Variants in CLSTN2 observed in about 807,000 individuals in gnomAD.
CLSTN2 encodes calsyntenin 2.
Under a neutral mutation model 101.2 loss-of-function variants are expected in CLSTN2, and 48 were observed. The ratio of observed to expected loss-of-function variants is 0.47; its 90% CI spans 0.38 to 0.60. The LOEUF (loss-of-function observed/expected upper bound fraction) is 0.60. Among genes scored for constraint, CLSTN2 ranks in the 20% least tolerant of loss-of-function variants. The pLI is 0.00. For synonymous variants in CLSTN2, 481 were observed against 463.6 expected (o/e 1.04, Z -0.48); for missense variants, 1,160 against 1,238.2 (o/e 0.94, Z 0.95).
intron 1 of CLSTN2, among the ~76,000 whole-genome samples, chr3:140,068,170 G>T (rs961711423): frequency 3.3e-5 from 5 of 152,200 alleles, no homozygotes; most frequent in African/African-American, 1.2e-4. Flanking sequence ...CCTGGGCATA[G>T]GCCACTCTTT....
In CLSTN2 at chr3:140,567,625, A is replaced by C. The variant is rs1023503856; in HGVS notation, c.*1372A>C. On this transcript the variant is annotated 3_prime_UTR_variant, in exon 17 of 17. Transcript: ENST00000458420. ...ATAGCAGGCAAGAATTAGGGCCTTG[A>C]CAGAATTTCCACGAAGCTCTGAGAA... The C allele has an allele frequency of 6.6e-6, 1 of 152,186 alleles. No individual in the cohort carries two copies. The highest frequency in any genetic ancestry group is 1.5e-5 in the Non-Finnish European group (1 of 68,040). The allele number at this position is 152,186 out of a possible 1,614,324, so 9.4% of individuals were successfully genotyped here.
chr3:140,450,629 A>G (rs1012158210), intron 6 of CLSTN2, among the ~76,000 whole-genome samples: 1 of 152,154 alleles, frequency 6.6e-6, no homozygotes, highest in African/African-American at 2.4e-5. Context: ...CTGTGAATGC[A>G]CAGTCTAGCC....
chr3:140,463,402 T>C (rs925241862), intron 7 of CLSTN2, among the ~76,000 whole-genome samples: 12 of 151,542 alleles, frequency 7.9e-5, no homozygotes, highest in Non-Finnish European at 1.8e-4. Context: ...TGGTAGAGAG[T>C]GCTAGGATGG....
rs182776522 is a variant in CLSTN2 at position 140,473,530 on chromosome 3, T to C, written c.1344+6799T>C. Among the ~76,000 whole-genome samples the C allele has an allele frequency of 6.0e-3, 907 of 152,136 alleles. 13 individuals carry two copies. Among genetic ancestry groups the C allele is most frequent in the South Asian group, 0.054 (259 of 4,812 alleles). On this transcript the variant is annotated intron_variant, in intron 8 of 16. Transcript: ENST00000458420. ...AGAGGGTAAGAGCCAGAAACAGAGA[T>C]GTGAAGATGGAAGCAGAGGTCAGAA...
At chr3:140,033,806 G>T (rs2007604676) in intron 1 of CLSTN2, among the ~76,000 whole-genome samples, 2 of 152,186 alleles carry the variant, frequency 1.3e-5, no homozygotes, top group African/African-American at 2.4e-5. Flanking sequence ...TGGGGAGAGG[G>T]TCTATATCAC....
intron 1 of CLSTN2, among the ~76,000 whole-genome samples, chr3:139,962,758 A>G (rs1935533554): frequency 6.6e-6 from 1 of 152,164 alleles, no homozygotes; most frequent in African/African-American, 2.4e-5. Flanking sequence ...ATAGTATTCC[A>G]TCATCTGTAT....
chr3:140,341,721 C>T (rs1005605529), intron 2 of CLSTN2, among the ~76,000 whole-genome samples: 6 of 152,116 alleles, frequency 3.9e-5, no homozygotes, highest in African/African-American at 1.4e-4. Flanking sequence ...CCTCCAGTGG[C>T]TTTTTGTCAA....
rs185799289 is a variant in CLSTN2 at position 140,257,815 on chromosome 3, C to T, written c.232+81742C>T. On this transcript the variant is annotated intron_variant, in intron 2 of 16. Coordinates refer to ENST00000458420, the MANE Select transcript of CLSTN2 (RefSeq NM_022131.3). ...ACATAAATATTAAAAATGGCATTGT[C>T]ATGATTTTTTGTGCTCAAAGATCAA... Among the ~76,000 whole-genome samples the T allele has an allele frequency of 1.1e-3, 175 of 152,186 alleles. 1 individual carries two copies. Among genetic ancestry groups the T allele is most frequent in the African/African-American group, 4.0e-3 (167 of 41,532 alleles).
At chr3:140,481,605 G>A (rs1045338131) in intron 8 of CLSTN2, among the ~76,000 whole-genome samples, 2 of 152,118 alleles carry the variant, frequency 1.3e-5, no homozygotes, top group African/African-American at 4.8e-5. Context: ...CCATTTCTTT[G>A]TATCCTCTTT....
At chr3:140,129,854 T>C (rs751456292) in intron 1 of CLSTN2, among the ~76,000 whole-genome samples, 14 of 152,278 alleles carry the variant, frequency 9.2e-5, no homozygotes, top group Non-Finnish European at 1.9e-4. Flanking sequence ...CAGTGAGTGA[T>C]GCATCGTGGA....
intron 8 of CLSTN2, among the ~76,000 whole-genome samples, chr3:140,471,965 A>G (rs1933858383): frequency 6.6e-6 from 1 of 152,182 alleles, no homozygotes; most frequent in African/African-American, 2.4e-5. Flanking sequence ...AAAAGCTACT[A>G]TGTTGATACA....
intron 2 of CLSTN2, among the ~76,000 whole-genome samples, chr3:140,246,393 A>C (rs1407101057): frequency 2.0e-5 from 3 of 152,146 alleles, no homozygotes; most frequent in African/African-American, 7.2e-5. Flanking sequence ...GGTCCAAAGA[A>C]ACAGTCTGGA....
chr3:140,389,764 C>T (rs1334812552), intron 2 of CLSTN2, among the ~76,000 whole-genome samples: 1 of 152,186 alleles, frequency 6.6e-6, no homozygotes, highest in Non-Finnish European at 1.5e-5. Flanking sequence ...TTAAAGCATT[C>T]CTATTTCTTC....
At position 140,451,395 on chromosome 3, in the gene CLSTN2, G is replaced by A. The variant is rs559595265; in HGVS notation, c.973+2691G>A. Among the ~76,000 whole-genome samples, 4 of 152,276 alleles carry A rather than the reference G, an allele frequency of 2.6e-5. No individual in the cohort carries two copies. In the East Asian group the frequency reaches 5.8e-4, roughly 22 times the overall value. ...AGGGCAGGTTAATTCAGCCAGCAAG[G>A]CCGTTTCCCCCAAGGTGTGGACTTA... is the stretch of plus-strand genomic sequence containing the variant. On this transcript the variant is annotated intron_variant, in intron 6 of 16. Coordinates refer to ENST00000458420, the MANE Select transcript of CLSTN2 (RefSeq NM_022131.3).
At chr3:140,167,690 C>A (rs2010155417) in intron 1 of CLSTN2, among the ~76,000 whole-genome samples, 1 of 152,148 alleles carries the variant, frequency 6.6e-6, no homozygotes, top group East Asian at 1.9e-4. Flanking sequence ...TTCCCTTGTT[C>A]CCCTTCACAA....
In CLSTN2 at chr3:140,430,269, G is replaced by A. The variant is rs886942732; in HGVS notation, c.787+8995G>A. Among the ~76,000 whole-genome samples the A allele has an allele frequency of 3.9e-5, 6 of 152,062 alleles. No individual in the cohort carries two copies. The East Asian group carries it at 9.6e-4, about 24-fold the overall frequency. ...TTTATTTTAATAGATAATCCCCCCT[G>A]AGAAATGAAAATACCTCCTGCAGGA... On this transcript the variant is annotated intron_variant, in intron 5 of 16. Transcript: ENST00000458420.
chr3:140,036,182 C>T (rs144014272), intron 1 of CLSTN2, among the ~76,000 whole-genome samples: 149 of 152,324 alleles, frequency 9.8e-4, no homozygotes, highest in African/African-American at 3.4e-3. Context: ...TCAGTACTAT[C>T]TGTAAGCTAG....
At chr3:140,337,418 A>G (rs1264445857) in intron 2 of CLSTN2, among the ~76,000 whole-genome samples, 1 of 152,068 alleles carries the variant, frequency 6.6e-6, no homozygotes, top group Admixed American at 6.5e-5. Context: ...GTCCCTTTAC[A>G]TTGTGTCCAA....
chr3:139,993,531 T>C (rs1032217865), intron 1 of CLSTN2, among the ~76,000 whole-genome samples: 8 of 152,276 alleles, frequency 5.3e-5, no homozygotes, highest in Non-Finnish European at 1.2e-4. Context: ...TATCAGAGCC[T>C]CACCTTGATC....
Sources: allele counts gnomAD v4.1 joint callset (sites outside exome capture counted in the v4.1 genomes callset), GRCh38; gene constraint gnomAD v4.1.1; transcripts MANE v1.5; gene names NCBI Gene and HGNC (gene_info 2026-07-23, HGNC 2026-07-21).